The following SYCP1 variants were observed in gnomAD, a reference collection of about 807,000 sequenced individuals.
The protein encoded by SYCP1 is synaptonemal complex protein 1, also known as cancer/testis antigen 8.
A neutral mutation model predicts 153.1 loss-of-function variants in SYCP1; 64 were observed. The ratio of observed to expected loss-of-function variants is 0.42; its 90% CI spans 0.34 to 0.51. The LOEUF (loss-of-function observed/expected upper bound fraction) is 0.51, where lower values mean the gene tolerates loss of function less well. Among genes scored for constraint, SYCP1 ranks in the 20% least tolerant of loss-of-function variants. The pLI is 0.06. For synonymous variants in SYCP1, 384 were observed against 341.8 expected, an observed-to-expected ratio of 1.12 and a Z score of -1.36; for missense variants, 997 against 1,049.0, an observed-to-expected ratio of 0.95 and a Z score of 0.68.
chr1:114,929,268 TA>T (rs1470989526), intron 23 of SYCP1, among the ~76,000 whole-genome samples: 1 of 151,960 alleles, frequency 6.6e-6, no homozygotes, highest in Admixed American at 6.6e-5. Flanking sequence ...AAAACTTTGA[TA>T]AACTCCAAAG....
At chr1:114,982,056 G>A (rs1041796359) in intron 29 of SYCP1, among the ~76,000 whole-genome samples, 2 of 151,934 alleles carry the variant, frequency 1.3e-5, no homozygotes, top group African/African-American at 4.8e-5. Context: ...TTAATCCATG[G>A]GGAATTCATA....
At chr1:114,858,050 A>G (rs1413800829) in intron 5 of SYCP1, among the ~76,000 whole-genome samples, 3 of 152,066 alleles carry the variant, frequency 2.0e-5, no homozygotes, top group Non-Finnish European at 4.4e-5. Context: ...AAAATCTCTG[A>G]TATTTACAAT....
intron 12 of SYCP1, among the ~76,000 whole-genome samples, chr1:114,884,231 G>A (rs189876254): frequency 4.6e-5 from 7 of 152,148 alleles, no homozygotes; most frequent in Admixed American, 1.3e-4. Context: ...TGACTTATTC[G>A]TTATACTTCA....
rs769166909 is a variant in SYCP1, at chr1:114,878,165, A to C, written c.873A>C (p.Glu291Asp). 6.3e-7 allele frequency: 1 copy of C among 1,583,642 alleles called. No individual in the cohort carries two copies. The highest frequency in any genetic ancestry group is 1.4e-5 in the African/African-American group (1 of 74,066). Residue 291 changes from glutamate to aspartate, a missense_variant, in exon 12 of 32, where the codon GAA becomes GAC. By Grantham distance (45) the Glu-to-Asp change is conservative (BLOSUM62 2). Transcript: ENST00000369522. The part of the protein sequence containing the change: ...KMKDLTFLLE[E>D]SRDKVNQLEE... The stretch of plus-strand genomic sequence containing the variant: ...AAGATTTAACATTTCTGCTAGAGGA[A>C]TCCAGAGATAAAGTTAATCAATTAG...
At chr1:114,902,378 G>A (rs1667523477) in intron 16 of SYCP1, among the ~76,000 whole-genome samples, 1 of 152,098 alleles carries the variant, frequency 6.6e-6, no homozygotes, top group Non-Finnish European at 1.5e-5. Context: ...GGTTCTTGTC[G>A]CAGGATCAGG....
At chr1:114,926,394 T>C in intron 22 of SYCP1, 54 bp downstream of exon 22, 2 of 1,488,956 alleles carry the variant, frequency 1.3e-6, no homozygotes, top group South Asian at 1.4e-5. Context: ...TCACCACAGT[T>C]TTAGAGAATA....
intron 28 of SYCP1, among the ~76,000 whole-genome samples, chr1:114,977,845 A>G (rs961571710): frequency 1.3e-5 from 2 of 151,590 alleles, no homozygotes; most frequent in African/African-American, 4.8e-5. Flanking sequence ...GCAGAAACAA[A>G]AAAGAAGAAA....
At position 114,921,686 on chromosome 1, in the gene SYCP1, T is replaced by G. The variant is rs752730643; in HGVS notation, c.1719-1763T>G. Among the ~76,000 whole-genome samples the G allele has an allele frequency of 2.0e-5, 3 of 151,906 alleles. No homozygotes were observed. The South Asian group carries it at 6.2e-4, about 32-fold the overall frequency. On this transcript the variant is annotated intron_variant, in intron 20 of 31. Coordinates refer to ENST00000369522, the MANE Select transcript of SYCP1 (RefSeq NM_003176.4). ...CAAAAACAGATATGAGTAGTTACAT[T>G]CCACAATTACAGTGTTATAATGTTC...
intron 5 of SYCP1, among the ~76,000 whole-genome samples, chr1:114,858,015 C>G (rs1462083240): frequency 6.6e-6 from 1 of 151,812 alleles, no homozygotes; most frequent in Non-Finnish European, 1.5e-5. Flanking sequence ...AAAAAGTTGT[C>G]AACCAGCAAA....
intron 27 of SYCP1, among the ~76,000 whole-genome samples, chr1:114,961,533 G>C (rs1671781482): frequency 6.6e-6 from 1 of 152,102 alleles, no homozygotes; most frequent in African/African-American, 2.4e-5. Context: ...GCATTGATAG[G>C]CTGTGTCACT....
intron 20 of SYCP1, among the ~76,000 whole-genome samples, chr1:114,915,183 G>A (rs1006969073): frequency 2.6e-5 from 4 of 152,094 alleles, no homozygotes; most frequent in Admixed American, 6.6e-5. Context: ...CTTGAGCATG[G>A]AACTCAGGTA....
Position 114,944,941 on chromosome 1 carries a change from C to G in SYCP1, c.2113C>G (p.His705Asp). ...GAAAGAAATTGATAAGCGATGTCAA[C>G]ATAAAATAGCTGAAATGGTAGCACT... Reference protein sequence around the residue: ...LQKEIDKRCQHKIAEMVALME... With the variant: ...LQKEIDKRCQDKIAEMVALME... Residue 705 changes from histidine to aspartate, a missense_variant, in exon 25 of 32, where the codon CAT (histidine) becomes GAT (aspartate). His to Asp is a moderately conservative substitution (Grantham distance 81, BLOSUM62 -1). Around this residue, in one of 2 missense-constraint regions of SYCP1, gnomAD observed 712 missense variants for 682.9 expected, o/e 1.04. Coordinates refer to ENST00000369522, the MANE Select transcript of SYCP1 (RefSeq NM_003176.4). 6.3e-7 allele frequency: 1 copy of G among 1,599,384 alleles called. No homozygotes were observed. Among genetic ancestry groups the G allele is most frequent in the Non-Finnish European group, 8.5e-7 (1 of 1,173,980 alleles).
rs1669246767 is a variant in SYCP1 at position 114,926,339 on chromosome 1, A to G, written c.1862A>G (p.Glu621Gly). The change falls in exon 22 of 32, where the codon GAG (glutamate) becomes GGG (glycine). Residue 621 changes from glutamate to glycine, a missense_variant and splice_region_variant. By Grantham distance (98) the Glu-to-Gly change is moderately conservative (BLOSUM62 -2). This residue lies in a region of SYCP1 where 712 missense variants were observed against 682.9 expected (regional missense o/e 1.04). Transcript: ENST00000369522. ...AAGTATATTGAAGAACTTCAGCAGG[A>G]GGTATGTATTTTTTATAAATATTCT... ...KNKYIEELQQ[E>G]NKALKKKGTA... The G allele has an allele frequency of 1.3e-6, 2 of 1,533,934 alleles. No individual in the cohort carries two copies. Among genetic ancestry groups the G allele is most frequent in the African/African-American group, 1.4e-5 (1 of 71,816 alleles).
intron 27 of SYCP1, among the ~76,000 whole-genome samples, chr1:114,959,905 G>A (rs1040019703): frequency 1.3e-5 from 2 of 152,086 alleles, no homozygotes; most frequent in Non-Finnish European, 2.9e-5. Context: ...CCATGCTGCT[G>A]CAAATCACAG....
intron 4 of SYCP1, 26 bp downstream of exon 4, chr1:114,857,301 T>C: frequency 1.3e-6 from 2 of 1,594,188 alleles, no homozygotes; most frequent in Non-Finnish European, 8.5e-7. Flanking sequence ...TACATGTAGA[T>C]ATAATCTGTT....
intron 27 of SYCP1, among the ~76,000 whole-genome samples, chr1:114,950,244 A>G (rs1275515768): frequency 6.6e-6 from 1 of 152,186 alleles, no homozygotes; most frequent in Non-Finnish European, 1.5e-5. Flanking sequence ...TTGCTTCTTC[A>G]GCCTAGATTC....
Position 114,874,528 on chromosome 1 carries a change from C to A in SYCP1, c.621C>A (p.Thr207=). ...TAGATGAATATGAACGGGAAGAAAC[C>A]AGGCAAGTTTATATGGATCTAAATA... ...TKKYEYEREE[T]RQVYMDLNNN... Residue 207 remains threonine (T), a synonymous_variant, in exon 9 of 32, where the codon ACC becomes ACA. Transcript: ENST00000369522. The A allele has an allele frequency of 6.4e-7, 1 of 1,573,638 alleles. No homozygotes were observed. The highest frequency in any genetic ancestry group is 8.6e-7 in the Non-Finnish European group (1 of 1,156,616).
At chr1:114,933,395 A>G (rs1669769428) in intron 23 of SYCP1, among the ~76,000 whole-genome samples, 1 of 152,228 alleles carries the variant, frequency 6.6e-6, no homozygotes, top group African/African-American at 2.4e-5. Flanking sequence ...CCCTATCTGT[A>G]CGTCACCTTC....
At chr1:114,934,551 A>C (rs1669857694) in intron 23 of SYCP1, among the ~76,000 whole-genome samples, 1 of 152,234 alleles carries the variant, frequency 6.6e-6, no homozygotes, top group African/African-American at 2.4e-5. Context: ...TCAAATTCAC[A>C]CATAACAATA....
Sources: allele counts gnomAD v4.1 joint callset (sites outside exome capture counted in the v4.1 genomes callset), GRCh38; gene constraint gnomAD v4.1.1; regional missense constraint gnomAD v4.1.1; transcripts MANE v1.5; gene names NCBI Gene and HGNC (gene_info 2026-07-23, HGNC 2026-07-21).